The following SLC8A1 variants were observed in gnomAD, a reference collection of about 807,000 sequenced individuals.
The protein encoded by SLC8A1 is sodium/calcium exchanger 1.
SLC8A1 carries 18 observed loss-of-function variants against 68.3 expected under a neutral mutation model. That is an observed-to-expected ratio of 0.26 (90% CI 0.18 to 0.39). SLC8A1 has a LOEUF of 0.39. SLC8A1 is among the 10% of genes least tolerant of loss of function. The probability of loss-of-function intolerance (pLI) is 1.00; values close to 1 mark genes in which losing one functional copy is unlikely to be tolerated. For synonymous variants in SLC8A1, 475 were observed against 415.5 expected (o/e 1.14, Z -1.74); for missense variants, 985 against 1,156.7 (o/e 0.85, Z 2.15).
At chr2:40,201,826 G>A (rs1284817993) in intron 2 of SLC8A1, among the ~76,000 whole-genome samples, 1 of 151,958 alleles carries the variant, frequency 6.6e-6, no homozygotes, top group Non-Finnish European at 1.5e-5. Context: ...TGGGAAAGCA[G>A]CAATGATAAG....
intron 2 of SLC8A1, among the ~76,000 whole-genome samples, chr2:40,384,603 T>G (rs551125413): frequency 6.6e-6 from 1 of 152,280 alleles, no homozygotes; most frequent in Non-Finnish European, 1.5e-5. Flanking sequence ...GTTTCTACTA[T>G]GCTCATTTCT....
intron 6 of SLC8A1, among the ~76,000 whole-genome samples, chr2:40,142,253 G>A (rs1288784881): frequency 6.6e-6 from 1 of 151,976 alleles, no homozygotes; most frequent in Non-Finnish European, 1.5e-5. Flanking sequence ...CCATGTTAGA[G>A]ATGCAATTCT....
chr2:40,137,951 T>A (rs72935269), intron 7 of SLC8A1, among the ~76,000 whole-genome samples: 43 of 152,214 alleles, frequency 2.8e-4, no homozygotes, highest in African/African-American at 1.0e-3. Context: ...GGATACTTCA[T>A]CCATGGTTAA....
exon 8 of SLC8A1, chr2:40,114,940 C>T (rs1300870075): frequency 1.2e-5 from 2 of 172,234 alleles, no homozygotes; most frequent in Admixed American, 1.3e-4. Context: ...ACTACCTCCC[C>T]AGCTCCACTG....
intron 2 of SLC8A1, among the ~76,000 whole-genome samples, chr2:40,222,438 G>C (rs1251258635): frequency 6.6e-6 from 1 of 152,110 alleles, no homozygotes; most frequent in Non-Finnish European, 1.5e-5. Context: ...AGAAAACCTA[G>C]GCAATACCAT....
At chr2:40,127,596 G>C (rs74556450) in intron 7 of SLC8A1, among the ~76,000 whole-genome samples, 25 of 152,134 alleles carry the variant, frequency 1.6e-4, no homozygotes, top group African/African-American at 5.6e-4. Context: ...TTAATCCTCT[G>C]GTGGGCCTAT....
At chr2:40,207,183 A>T (rs7598164) in intron 2 of SLC8A1, among the ~76,000 whole-genome samples, 1 of 152,038 alleles carries the variant, frequency 6.6e-6, no homozygotes, top group African/African-American at 2.4e-5. Flanking sequence ...TATACAATCA[A>T]TGCTGTCTTA....
At chr2:40,144,651 GTTGT>G (rs2042131034) in intron 6 of SLC8A1, among the ~76,000 whole-genome samples, 1 of 151,822 alleles carries the variant, frequency 6.6e-6, no homozygotes, top group East Asian at 1.9e-4. Context: ...CGATTTTTGG[GTTGT>G]TTATTTCTTT....
At chr2:40,482,072 A>G (rs1704663226) in intron 1 of SLC8A1, among the ~76,000 whole-genome samples, 2 of 152,198 alleles carry the variant, frequency 1.3e-5, no homozygotes, top group African/African-American at 4.8e-5. Flanking sequence ...TTTTTTTAAA[A>G]TACATATTTT....
chr2:40,218,270 G>A (rs189228960), intron 2 of SLC8A1, among the ~76,000 whole-genome samples: 49 of 152,268 alleles, frequency 3.2e-4, no homozygotes, highest in African/African-American at 1.2e-3. Context: ...TGCTAGCTGT[G>A]CTTTCCTTTG....
intron 1 of SLC8A1, among the ~76,000 whole-genome samples, chr2:40,441,315 G>C (rs1700435812): frequency 6.6e-6 from 1 of 150,822 alleles, no homozygotes. Flanking sequence ...TCATGGATAG[G>C]AACAATCAAT....
intron 2 of SLC8A1, among the ~76,000 whole-genome samples, chr2:40,402,696 T>A (rs1375284774): frequency 1.3e-5 from 2 of 152,180 alleles, no homozygotes; most frequent in Non-Finnish European, 2.9e-5. Context: ...TCTTTTCCAG[T>A]GCAAAAGAAA....
At chr2:40,509,315 C>T (rs1380505472) in intron 1 of SLC8A1, among the ~76,000 whole-genome samples, 1 of 152,046 alleles carries the variant, frequency 6.6e-6, no homozygotes, top group African/African-American at 2.4e-5. Flanking sequence ...GATTCCTTAC[C>T]AGCACCTTTG....
At chr2:40,103,591 T>C (rs993222004) in exon 8 of SLC8A1, 1 of 152,156 alleles carries the variant, frequency 6.6e-6, no homozygotes, top group Non-Finnish European at 1.5e-5. Context: ...TTAAGCACAC[T>C]GACTAAAAAA....
At chr2:40,108,524 C>T (rs1175485303) in exon 8 of SLC8A1, 3 of 152,148 alleles carry the variant, frequency 2.0e-5, no homozygotes, top group Non-Finnish European at 4.4e-5. Flanking sequence ...TGCCATATTA[C>T]TCAATTACAT....
At chr2:40,313,632 G>C (rs1383872795) in intron 2 of SLC8A1, among the ~76,000 whole-genome samples, 2 of 151,748 alleles carry the variant, frequency 1.3e-5, no homozygotes, top group African/African-American at 4.8e-5. Context: ...TGAACTGCTG[G>C]GTTCAAGCGA....
intron 2 of SLC8A1, among the ~76,000 whole-genome samples, chr2:40,331,662 C>T (rs533467748): frequency 1.1e-4 from 16 of 151,918 alleles, no homozygotes; most frequent in South Asian, 1.0e-3. Flanking sequence ...GGTGCGATCT[C>T]GGCTCACTGC....
At chr2:40,183,003 TTTTTGTC>T (rs1461594686) in intron 2 of SLC8A1, among the ~76,000 whole-genome samples, 1 of 152,210 alleles carries the variant, frequency 6.6e-6, no homozygotes, top group African/African-American at 2.4e-5. Context: ...TTACAGTTGC[TTTTTGTC>T]TTTTAAGGTT....
chr2:40,385,696 A>T (rs561375870), intron 2 of SLC8A1, among the ~76,000 whole-genome samples: 3 of 151,392 alleles, frequency 2.0e-5, no homozygotes, highest in Non-Finnish European at 2.9e-5. Context: ...GCAGTTTGCT[A>T]AAGTGTACTA....
Sources: allele counts gnomAD v4.1 joint callset (sites outside exome capture counted in the v4.1 genomes callset), GRCh38; gene constraint gnomAD v4.1.1; transcripts MANE v1.5; gene names NCBI Gene and HGNC (gene_info 2026-07-23, HGNC 2026-07-21).